MAST4: variants seen among roughly 807,000 people sequenced by gnomAD.
The protein encoded by MAST4 is microtubule-associated serine/threonine-protein kinase 4.
Under a neutral mutation model 162.7 loss-of-function variants are expected in MAST4, and 89 were observed. The ratio of observed to expected loss-of-function variants is 0.55; its 90% CI spans 0.46 to 0.65. MAST4 has a LOEUF of 0.65. Among genes scored for constraint, MAST4 ranks in the 30% least tolerant of loss-of-function variants. MAST4 has a pLI of 0.00. For missense variants in MAST4, 3,153 were observed against 3,374.0 expected, an observed-to-expected ratio of 0.93 and a Z score of 1.62; for synonymous variants, 1,479 against 1,361.1, an observed-to-expected ratio of 1.09 and a Z score of -1.91.
chr5:67,155,838 G>C (rs540855247), intron 26 of MAST4, among the ~76,000 whole-genome samples: 2 of 152,104 alleles, frequency 1.3e-5, no homozygotes, highest in Non-Finnish European at 2.9e-5. Context: ...GAGGTGGGGC[G>C]ATCACGAGGT....
At chr5:66,732,668 T>C (rs1273673834) in intron 1 of MAST4, among the ~76,000 whole-genome samples, 2 of 152,204 alleles carry the variant, frequency 1.3e-5, no homozygotes, top group African/African-American at 2.4e-5. Context: ...ACTGAACAGA[T>C]GCATACTCCA....
intron 4 of MAST4, among the ~76,000 whole-genome samples, chr5:66,925,351 A>T (rs1402901711): frequency 6.6e-6 from 1 of 152,040 alleles, no homozygotes; most frequent in African/African-American, 2.4e-5. Context: ...AAAAGGTAAC[A>T]TTTTTCCTTC....
chr5:66,860,960 A>G (rs1760070872), intron 3 of MAST4, among the ~76,000 whole-genome samples: 1 of 152,132 alleles, frequency 6.6e-6, no homozygotes, highest in Non-Finnish European at 1.5e-5. Flanking sequence ...GGGCAACAAA[A>G]TGCAGCACCT....
rs1381952478 is a variant in MAST4, at chr5:67,160,449, T to C, written c.3649-7T>C. The C allele has an allele frequency of 6.2e-7, 1 of 1,603,416 alleles. No homozygotes were observed. The highest frequency in any genetic ancestry group is 8.5e-7 in the Non-Finnish European group (1 of 1,175,874). On this transcript the variant is annotated splice_region_variant and splice_polypyrimidine_tract_variant and intron_variant, in intron 26 of 28. Coordinates refer to ENST00000403625, the MANE Select transcript of MAST4 (RefSeq NM_001164664.2). ...TTCCCTTTAATGCCACCTCATCTTT[T>C]CTTTAGAGTGGGAATAAGGTGTCAA...
intron 5 of MAST4, among the ~76,000 whole-genome samples, chr5:67,078,285 CAG>C (rs1009306879): frequency 5.4e-5 from 8 of 148,158 alleles, no homozygotes; most frequent in Non-Finnish European, 1.0e-4. Flanking sequence ...AAGATAAACA[CAG>C]ATGAGAAAAC....
intron 4 of MAST4, among the ~76,000 whole-genome samples, chr5:66,964,516 A>G (rs773821702): frequency 1.6e-4 from 24 of 152,176 alleles, no homozygotes; most frequent in South Asian, 6.2e-4. Flanking sequence ...TCCTAATCCT[A>G]TGGGGCTGGG....
chr5:66,816,895 T>G (rs1258423441), intron 3 of MAST4, among the ~76,000 whole-genome samples: 1 of 152,186 alleles, frequency 6.6e-6, no homozygotes, highest in African/African-American at 2.4e-5. Context: ...TGGCCTTAGT[T>G]TTTTTGAAAT....
Position 67,006,646 on chromosome 5 carries a change from G to A in MAST4, c.675-47758G>A, listed in dbSNP as rs561637290. 3.3e-5 allele frequency among the ~76,000 whole-genome samples: 5 copies of A among 152,258 alleles called. No individual in the cohort carries two copies. The East Asian group carries it at 7.7e-4, about 23-fold the overall frequency. On this transcript the variant is annotated intron_variant, in intron 4 of 28. Coordinates refer to ENST00000403625, the MANE Select transcript of MAST4 (RefSeq NM_001164664.2). ...GCATCGTATGTGTGTGTCTGAACCC[G>A]TAGAGCAGTTGGAGCCTTTCTTCTT...
rs1398040425 is a variant in MAST4, at chr5:67,165,079, A to C, written c.5900A>C (p.Lys1967Thr). ...CCTGAAGCTTCCCCCTCAAGGGAGA[A>C]GCCAGGCCTGAGGGAATCGTCTGAA... ...LPPEASPSRE[K>T]PGLRESSERG... The change falls in exon 29 of 29, where the codon AAG (lysine) becomes ACG (threonine). Residue 1967 changes from lysine (K) to threonine (T), a missense_variant. Around this residue, in one of 7 missense-constraint regions of MAST4, gnomAD observed 1,644 missense variants for 1,495.0 expected, o/e 1.10. Transcript: ENST00000403625. 1 of 1,598,226 alleles carries C rather than the reference A, an allele frequency of 6.3e-7. No homozygotes were observed. The highest frequency in any genetic ancestry group is 8.5e-7 in the Non-Finnish European group (1 of 1,172,374).
At chr5:67,078,911 A>AATAAATAAATAAATATATATAT (rs1227485756) in intron 5 of MAST4, among the ~76,000 whole-genome samples, 1 of 38,110 alleles carries the variant, frequency 2.6e-5, no homozygotes, top group African/African-American at 1.2e-4. Context: ...TTTTTATATA[A>AATAAATAAATAAATATATATAT]ATATATATAT....
intron 4 of MAST4, chr5:66,959,340 C>T (rs1385505660): frequency 2.6e-6 from 2 of 779,198 alleles, no homozygotes; most frequent in Admixed American, 1.7e-5. Flanking sequence ...CTGCATGGCA[C>T]TCGCTTTCTG....
intron 5 of MAST4, among the ~76,000 whole-genome samples, chr5:67,061,613 G>C (rs1196572886): frequency 2.7e-5 from 4 of 150,928 alleles, no homozygotes; most frequent in Admixed American, 6.6e-5. Context: ...TTTCTTCCAA[G>C]TTTGTTGTTA....
At chr5:66,962,544 C>T (rs1478208786) in intron 4 of MAST4, among the ~76,000 whole-genome samples, 1 of 152,084 alleles carries the variant, frequency 6.6e-6, no homozygotes, top group Non-Finnish European at 1.5e-5. Flanking sequence ...CCCATCTCTA[C>T]AAAAAATACA....
At chr5:66,754,970 T>A (rs1181142788) in intron 1 of MAST4, among the ~76,000 whole-genome samples, 1 of 152,076 alleles carries the variant, frequency 6.6e-6, no homozygotes, top group Non-Finnish European at 1.5e-5. Context: ...GCATCCAAGG[T>A]CTGGCAAGAG....
At chr5:66,754,445 A>G (rs1753400312) in intron 1 of MAST4, among the ~76,000 whole-genome samples, 1 of 152,228 alleles carries the variant, frequency 6.6e-6, no homozygotes, top group South Asian at 2.1e-4. Flanking sequence ...AAAATACTAG[A>G]GACTCACTTT....
intron 1 of MAST4, among the ~76,000 whole-genome samples, chr5:66,631,451 G>C (rs1159520272): frequency 1.3e-5 from 2 of 152,114 alleles, no homozygotes; most frequent in African/African-American, 4.8e-5. Flanking sequence ...ATTGGGTCTT[G>C]CTGAGGAGGT....
rs1039187285 is a variant in MAST4 at position 67,152,776 on chromosome 5, C to T, written c.3435C>T (p.His1145=). The change falls in exon 25 of 29, where the codon CAC becomes CAT. Residue 1145 remains histidine, a synonymous_variant. Coordinates refer to ENST00000403625, the MANE Select transcript of MAST4 (RefSeq NM_001164664.2). ...GTCCACATCAGCCGATTGTGATCCA[C>T]AGTTCGGGGAAGAACTACGGCTTTA... ...SASPHQPIVI[H]SSGKNYGFTI... is the part of the protein sequence containing the mutation. The T allele has an allele frequency of 6.2e-7, 1 of 1,614,070 alleles. No individual in the cohort carries two copies. Among genetic ancestry groups the T allele is most frequent in the South Asian group, 1.1e-5 (1 of 91,082 alleles).
intron 4 of MAST4, among the ~76,000 whole-genome samples, chr5:66,968,688 T>C (rs1198695466): frequency 3.9e-5 from 6 of 152,204 alleles, no homozygotes; most frequent in Non-Finnish European, 8.8e-5. Flanking sequence ...TCGAGTTATA[T>C]AGAAGGTATG....
intron 3 of MAST4, among the ~76,000 whole-genome samples, chr5:66,880,842 A>C (rs2149904482): frequency 6.6e-6 from 1 of 152,360 alleles, no homozygotes; most frequent in Non-Finnish European, 1.5e-5. Context: ...AGTTCCACTA[A>C]TGTAATATAT....
Sources: gnomAD v4.1 joint callset for allele counts (sites outside exome capture counted in the v4.1 genomes callset) on GRCh38, gnomAD v4.1.1 for gene constraint, gnomAD v4.1.1 regional missense constraint, MANE v1.5 for transcripts, NCBI Gene and HGNC (gene_info 2026-07-23, HGNC 2026-07-21) for gene names.